GPR176: variants seen among roughly 807,000 people sequenced by gnomAD.
GPR176 encodes G protein-coupled receptor 176.
GPR176 carries 26 observed loss-of-function variants against 35.4 expected under a neutral mutation model. That is an observed-to-expected ratio of 0.74 (90% CI 0.54 to 1.02). The LOEUF (loss-of-function observed/expected upper bound fraction) is 1.02. Among genes scored for constraint, GPR176 ranks in the 50% least tolerant of loss-of-function variants. The pLI, the probability that GPR176 is intolerant of heterozygous loss-of-function variation, is 0.00. For synonymous variants in GPR176, 278 were observed against 271.3 expected (o/e 1.02, Z -0.24); for missense variants, 597 against 665.3 (o/e 0.90, Z 1.13).
chr15:39,837,748 GACTA>G (rs1901491203), intron 1 of GPR176, among the ~76,000 whole-genome samples: 2 of 152,012 alleles, frequency 1.3e-5, no homozygotes, highest in South Asian at 4.2e-4. Flanking sequence ...AAGATCATAA[GACTA>G]ACTCCTCCAA....
At chr15:39,810,648 G>C (rs573793137) in intron 1 of GPR176, among the ~76,000 whole-genome samples, 10 of 152,280 alleles carry the variant, frequency 6.6e-5, no homozygotes, top group Non-Finnish European at 1.5e-4. Context: ...CCATGGCCAT[G>C]CTTGTACAGA....
chr15:39,858,212 CAAG>C (rs1362401854), intron 1 of GPR176, among the ~76,000 whole-genome samples: 1 of 152,000 alleles, frequency 6.6e-6, no homozygotes, highest in Non-Finnish European at 1.5e-5. Context: ...AAAAAGCAAG[CAAG>C]AAGACAGAAG....
chr15:39,916,124 T>TA (rs753248164), intron 1 of GPR176, among the ~76,000 whole-genome samples: 12 of 152,190 alleles, frequency 7.9e-5, no homozygotes, highest in Non-Finnish European at 1.8e-4. Context: ...TCTTGGTACT[T>TA]AGACTGTGAA....
intron 1 of GPR176, among the ~76,000 whole-genome samples, chr15:39,885,719 A>G (rs1260967497): frequency 1.3e-5 from 2 of 152,220 alleles, no homozygotes; most frequent in Non-Finnish European, 2.9e-5. Context: ...TGTAAGAAAA[A>G]TAGAAAATAA....
At chr15:39,825,906 T>C (rs1436249337) in intron 1 of GPR176, among the ~76,000 whole-genome samples, 1 of 152,190 alleles carries the variant, frequency 6.6e-6, no homozygotes, top group Non-Finnish European at 1.5e-5. Flanking sequence ...TGCATTACTA[T>C]AACATTTCTG....
intron 2 of GPR176, among the ~76,000 whole-genome samples, chr15:39,805,713 T>C (rs1024442279): frequency 2.6e-5 from 4 of 152,172 alleles, no homozygotes; most frequent in Admixed American, 2.0e-4. Context: ...GGTAACATGA[T>C]TGCAGAAATA....
intron 1 of GPR176, among the ~76,000 whole-genome samples, chr15:39,859,491 G>GAAAAAAAAAAA: frequency 7.0e-6 from 1 of 143,706 alleles, no homozygotes; most frequent in Non-Finnish European, 1.5e-5. Context: ...TGGCCACTGT[G>GAAAAAAAAAAA]AAAAAAAAAA....
intron 1 of GPR176, among the ~76,000 whole-genome samples, chr15:39,878,096 C>CTGTGTGTG (rs58251937): frequency 0.09 from 11,707 of 129,846 alleles, 632 homozygotes; most frequent in African/African-American, 0.14. Flanking sequence ...CCATAGTTAC[C>CTGTGTGTG]TGTGTGTGTG....
chr15:39,919,692 TG>T (rs1299520718), intron 1 of GPR176, among the ~76,000 whole-genome samples, 162 bp downstream of exon 1: 1 of 152,182 alleles, frequency 6.6e-6, no homozygotes, highest in Non-Finnish European at 1.5e-5. Context: ...CCACCGTCCC[TG>T]CTTAACTACA....
intron 1 of GPR176, among the ~76,000 whole-genome samples, chr15:39,856,540 C>T (rs914647092): frequency 6.6e-6 from 1 of 152,178 alleles, no homozygotes; most frequent in Non-Finnish European, 1.5e-5. Flanking sequence ...CTGGAGGATG[C>T]TCTGTTCACC....
At chr15:39,841,316 G>T (rs1009600869) in intron 1 of GPR176, among the ~76,000 whole-genome samples, 2 of 151,958 alleles carry the variant, frequency 1.3e-5, no homozygotes, top group Non-Finnish European at 2.9e-5. Flanking sequence ...AAGTTGAATT[G>T]TGTCCCCACC....
intron 1 of GPR176, among the ~76,000 whole-genome samples, chr15:39,808,571 C>A (rs1262855837): frequency 6.6e-6 from 1 of 152,188 alleles, no homozygotes; most frequent in Admixed American, 6.5e-5. Flanking sequence ...ATTATCATAT[C>A]CCATTGCATC....
chr15:39,827,371 G>C (rs939108967), intron 1 of GPR176, among the ~76,000 whole-genome samples: 1 of 152,324 alleles, frequency 6.6e-6, no homozygotes, highest in East Asian at 1.9e-4. Context: ...TCCATGGTCA[G>C]TGGTCTCTTA....
At chr15:39,904,646 T>G (rs918063525) in intron 1 of GPR176, among the ~76,000 whole-genome samples, 6 of 152,330 alleles carry the variant, frequency 3.9e-5, no homozygotes, top group African/African-American at 9.6e-5. Context: ...TGTGATTGTT[T>G]TCTGTTTGAG....
intron 1 of GPR176, among the ~76,000 whole-genome samples, chr15:39,898,831 A>C (rs1423465323): frequency 6.6e-6 from 1 of 152,218 alleles, no homozygotes; most frequent in Non-Finnish European, 1.5e-5. Flanking sequence ...TGACTATGAA[A>C]GGAAGAAGAA....
At chr15:39,915,799 G>C (rs1379398511) in intron 1 of GPR176, among the ~76,000 whole-genome samples, 1 of 152,170 alleles carries the variant, frequency 6.6e-6, no homozygotes, top group Admixed American at 6.5e-5. Context: ...GGAATTGCTT[G>C]AACCCAGGAG....
intron 1 of GPR176, among the ~76,000 whole-genome samples, chr15:39,904,098 G>A (rs182314791): frequency 6.6e-6 from 1 of 152,282 alleles, no homozygotes; most frequent in East Asian, 1.9e-4. Flanking sequence ...TGGGAGTGTA[G>A]CAGTGAATAC....
At chr15:39,816,933 G>C (rs1239293865) in intron 1 of GPR176, among the ~76,000 whole-genome samples, 1 of 151,960 alleles carries the variant, frequency 6.6e-6, no homozygotes, top group East Asian at 1.9e-4. Flanking sequence ...GCCTGGTGTG[G>C]TGGCATGCAC....
intron 1 of GPR176, among the ~76,000 whole-genome samples, chr15:39,900,888 G>A (rs1400856987): frequency 1.3e-5 from 2 of 152,188 alleles, no homozygotes; most frequent in African/African-American, 2.4e-5. Flanking sequence ...TAGAAAAAAA[G>A]AAAGCTTCAG....
Sources: gnomAD v4.1 joint callset for allele counts (sites outside exome capture counted in the v4.1 genomes callset) on GRCh38, gnomAD v4.1.1 for gene constraint, MANE v1.5 for transcripts, NCBI Gene and HGNC (gene_info 2026-07-23, HGNC 2026-07-21) for gene names.